The following CSMD3 variants were observed in gnomAD, a reference collection of about 807,000 sequenced individuals.
CSMD3 encodes the protein CUB and sushi domain-containing protein 3.
In CSMD3, 177 loss-of-function variants were observed where a neutral mutation model predicts 435.2. The observed-to-expected ratio is 0.41, with a 90% CI of 0.36 to 0.46. CSMD3 has a LOEUF of 0.46. Ranked by LOEUF, CSMD3 falls within the 20% of genes least tolerant of loss-of-function variation. CSMD3 has a pLI of 0.34. For missense variants in CSMD3, 4,265 were observed against 4,504.6 expected (o/e 0.95, Z 1.52); for synonymous variants, 1,656 against 1,520.5 (o/e 1.09, Z -2.07).
rs776391509 is a variant in CSMD3 at position 112,255,217 on chromosome 8, C to T, written c.10036+37G>A. ...TTAAATGTCACCCCTATTAATTACA[C>T]AGTTACTGTGCATAATCAGCCTTTA... On this transcript the variant is annotated intron_variant, in intron 62 of 70. Transcript: ENST00000297405. 33 of 1,531,290 alleles carry T rather than the reference C, an allele frequency of 2.2e-5. No individual in the cohort carries two copies. The East Asian group carries it at 7.0e-4, about 32-fold the overall frequency. 94.9% of individuals were successfully genotyped at this position (1,531,290 alleles called of 1,614,324 possible).
At chr8:113,052,324 C>A (rs905486129) in intron 5 of CSMD3, among the ~76,000 whole-genome samples, 1 of 152,090 alleles carries the variant, frequency 6.6e-6, no homozygotes, top group Non-Finnish European at 1.5e-5. Context: ...TTTCCTCTAG[C>A]CTTTCAACCT....
At chr8:112,270,343 AGTGTGTGTGTGTGTGTGTGTGTGTGTGT>A (rs10577337) in intron 59 of CSMD3, among the ~76,000 whole-genome samples, 1 of 124,232 alleles carries the variant, frequency 8.0e-6, no homozygotes. Flanking sequence ...CAGAGGGGTG[AGTGTGTGTGTGTGTGTGTGTGTGTGTGT>A]GTGTGTGTGT....
At chr8:113,259,941 T>A (rs2093413713) in intron 3 of CSMD3, among the ~76,000 whole-genome samples, 2 of 151,898 alleles carry the variant, frequency 1.3e-5, no homozygotes, top group African/African-American at 4.8e-5. Context: ...ATCATGGGGG[T>A]GGTTTCTCCC....
intron 13 of CSMD3, among the ~76,000 whole-genome samples, chr8:112,691,389 A>T (rs1034322935): frequency 6.6e-6 from 1 of 152,104 alleles, no homozygotes; most frequent in African/African-American, 2.4e-5. Context: ...ACTAGTCTTT[A>T]GGTTAATTTG....
At chr8:112,229,347 A>T (rs1315844256) in intron 69 of CSMD3, among the ~76,000 whole-genome samples, 1 of 152,192 alleles carries the variant, frequency 6.6e-6, no homozygotes, top group African/African-American at 2.4e-5. Context: ...GTGGGAGGTT[A>T]AAAGAATAAA....
chr8:112,584,694 T>C (rs191794801), intron 23 of CSMD3, among the ~76,000 whole-genome samples: 1 of 151,556 alleles, frequency 6.6e-6, no homozygotes, highest in Non-Finnish European at 1.5e-5. Flanking sequence ...TTCCAAAAAA[T>C]ATAATCAATG....
chr8:113,035,381 T>C (rs965659971), intron 5 of CSMD3, among the ~76,000 whole-genome samples: 3 of 151,908 alleles, frequency 2.0e-5, no homozygotes, highest in East Asian at 1.9e-4. Flanking sequence ...AAGTGAAAGA[T>C]CCATATACTG....
At chr8:112,737,372 GT>G (rs1415219818) in intron 13 of CSMD3, among the ~76,000 whole-genome samples, 1 of 151,912 alleles carries the variant, frequency 6.6e-6, no homozygotes, top group Non-Finnish European at 1.5e-5. Context: ...AAGGCTTTAA[GT>G]TTTTGTTAAA....
chr8:113,066,379 A>G (rs925052401), intron 5 of CSMD3, among the ~76,000 whole-genome samples: 1 of 152,010 alleles, frequency 6.6e-6, no homozygotes, highest in Non-Finnish European at 1.5e-5. Flanking sequence ...ATGGAAGTAG[A>G]GGACTTCAGT....
intron 26 of CSMD3, among the ~76,000 whole-genome samples, 200 bp downstream of exon 26, chr8:112,552,394 G>A (rs1053447684): frequency 4.6e-5 from 7 of 151,974 alleles, no homozygotes; most frequent in East Asian, 1.9e-4. Flanking sequence ...GCTGAGGTGG[G>A]AAGATCATTT....
intron 32 of CSMD3, among the ~76,000 whole-genome samples, chr8:112,425,733 A>C (rs2130338263): frequency 6.6e-6 from 1 of 152,324 alleles, no homozygotes; most frequent in East Asian, 1.9e-4. Context: ...TTCATGAATA[A>C]TCACAAATGA....
chr8:112,958,639 G>A (rs533297477), intron 7 of CSMD3, among the ~76,000 whole-genome samples: 1 of 152,276 alleles, frequency 6.6e-6, no homozygotes, highest in South Asian at 2.1e-4. Context: ...TAATTTTCAT[G>A]TTAATCAGCT....
chr8:113,003,952 G>A (rs1002932064), intron 6 of CSMD3, among the ~76,000 whole-genome samples: 9 of 151,804 alleles, frequency 5.9e-5, no homozygotes, highest in African/African-American at 2.2e-4. Flanking sequence ...AACATATATT[G>A]AAACAATTCC....
intron 16 of CSMD3, among the ~76,000 whole-genome samples, chr8:112,670,100 A>C (rs955276809): frequency 2.6e-5 from 4 of 152,196 alleles, no homozygotes; most frequent in African/African-American, 9.6e-5. Context: ...AAATGAATAA[A>C]TGTTTCATAG....
intron 6 of CSMD3, among the ~76,000 whole-genome samples, chr8:112,999,639 C>G (rs1373003574): frequency 6.6e-6 from 1 of 151,362 alleles, no homozygotes; most frequent in East Asian, 2.0e-4. Context: ...GCAGATAGAC[C>G]TTTTAGGAAA....
At chr8:112,451,958 G>A (rs141966306) in intron 32 of CSMD3, among the ~76,000 whole-genome samples, 7 of 152,102 alleles carry the variant, frequency 4.6e-5, no homozygotes, top group East Asian at 1.9e-4. Flanking sequence ...AGATACTAAC[G>A]TTTCCCATAA....
chr8:112,394,321 C>A (rs547546915), intron 35 of CSMD3, among the ~76,000 whole-genome samples: 2 of 152,184 alleles, frequency 1.3e-5, no homozygotes, highest in East Asian at 3.9e-4. Context: ...TTTTCCCCTC[C>A]ATTACCTTGA....
chr8:113,027,085 A>T (rs189615877), intron 5 of CSMD3, among the ~76,000 whole-genome samples: 7 of 152,274 alleles, frequency 4.6e-5, no homozygotes, highest in Admixed American at 2.0e-4. Flanking sequence ...CTGGGGATGG[A>T]GGAAATTACA....
At chr8:113,143,629 C>T (rs1052749377) in intron 4 of CSMD3, among the ~76,000 whole-genome samples, 11 of 151,276 alleles carry the variant, frequency 7.3e-5, no homozygotes, top group Non-Finnish European at 8.9e-5. Flanking sequence ...TGAAAAAGAC[C>T]GAACTATTGA....
Sources: allele counts gnomAD v4.1 joint callset (sites outside exome capture counted in the v4.1 genomes callset), GRCh38; gene constraint gnomAD v4.1.1; transcripts MANE v1.5; gene names NCBI Gene and HGNC (gene_info 2026-07-23, HGNC 2026-07-21).